RFX7: variants seen among roughly 807,000 people sequenced by gnomAD.
RFX7 encodes regulatory factor X7.
A neutral mutation model predicts 111.8 loss-of-function variants in RFX7; 26 were observed. The observed-to-expected ratio is 0.23, with a 90% CI of 0.17 to 0.32. The LOEUF (loss-of-function observed/expected upper bound fraction) is 0.32, where lower values mean the gene tolerates loss of function less well. Among genes scored for constraint, RFX7 ranks in the 10% least tolerant of loss-of-function variants. The pLI is 1.00. For missense variants in RFX7, 1,573 were observed against 1,772.9 expected (o/e 0.89, Z 2.02); for synonymous variants, 624 against 624.4 (o/e 1.00, Z 0.01).
rs185251485 is a variant in RFX7 at position 56,131,081 on chromosome 15, C to T, written c.401+11697G>A. Among the ~76,000 whole-genome samples the T allele has an allele frequency of 8.5e-4, 128 of 151,452 alleles. 2 individuals carry two copies. Among genetic ancestry groups the T allele is most frequent in the Admixed American group, 1.6e-3 (25 of 15,188 alleles). On this transcript the variant is annotated intron_variant, in intron 5 of 9. Coordinates refer to ENST00000559447, the MANE Select transcript of RFX7 (RefSeq NM_022841.7). ...ATTCATTTTGCAAAGCTGGCCTAACCCTGATATCAAAACCTGACAAAGATA... is the reference window on the plus strand; with the variant it reads ...ATTCATTTTGCAAAGCTGGCCTAACTCTGATATCAAAACCTGACAAAGATA...
chr15:56,110,496 T>C (rs2041910989), intron 5 of RFX7, among the ~76,000 whole-genome samples: 1 of 99,154 alleles, frequency 1.0e-5, no homozygotes. Context: ...TACTGGGAAG[T>C]GAGGAGCCCC....
chr15:56,220,508 A>T (rs2043414809), intron 2 of RFX7, among the ~76,000 whole-genome samples: 1 of 151,106 alleles, frequency 6.6e-6, no homozygotes, highest in Non-Finnish European at 1.5e-5. Context: ...TTGGGATTAC[A>T]GCGGGAGCCA....
chr15:56,203,279 A>G (rs1353577407), intron 2 of RFX7, among the ~76,000 whole-genome samples: 1 of 152,212 alleles, frequency 6.6e-6, no homozygotes, highest in African/African-American at 2.4e-5. Context: ...CTAGAAGTAC[A>G]CTTTGCGAAG....
chr15:56,123,389 C>G (rs2042102208), intron 5 of RFX7, among the ~76,000 whole-genome samples: 1 of 152,156 alleles, frequency 6.6e-6, no homozygotes, highest in African/African-American at 2.4e-5. Context: ...ATGGAGGTCT[C>G]AAGACTCTGC....
rs754308104 is a variant in RFX7 at position 56,094,789 on chromosome 15, G to A, written c.2939C>T (p.Pro980Leu). Residue 980 changes from proline to leucine, a missense_variant, in exon 10 of 10, where the codon CCT becomes CTT. This residue lies in a region of RFX7 where 625 missense variants were observed against 632.2 expected (regional missense o/e 0.99). Coordinates refer to ENST00000559447, the MANE Select transcript of RFX7 (RefSeq NM_022841.7). ...AGSQSLSRES[P>L]CSRLAQTTPV... ...TGTAGTCTGGGCTAGCCTGGAGCAA[G>A]GGCTCTCCCGTGACAGACTCTGAGA... 4 of 1,604,720 alleles carry A rather than the reference G, an allele frequency of 2.5e-6. No individual in the cohort carries two copies. The highest frequency in any genetic ancestry group is 3.4e-5 in the Admixed American group (2 of 58,584).
chr15:56,110,187 G>C (rs558093392), intron 5 of RFX7, among the ~76,000 whole-genome samples: 1 of 131,694 alleles, frequency 7.6e-6, no homozygotes, highest in East Asian at 2.4e-4. Flanking sequence ...CAGGAGGTGA[G>C]GGGAGCCTCT....
intron 2 of RFX7, among the ~76,000 whole-genome samples, chr15:56,217,781 A>G (rs1443417790): frequency 6.6e-6 from 1 of 152,212 alleles, no homozygotes; most frequent in Non-Finnish European, 1.5e-5. Context: ...ATTTGGTAGC[A>G]ACATATTCAG....
At chr15:56,231,546 C>A (rs956864825) in intron 2 of RFX7, among the ~76,000 whole-genome samples, 7 of 152,134 alleles carry the variant, frequency 4.6e-5, no homozygotes, top group African/African-American at 1.7e-4. Flanking sequence ...CCCACCAAGT[C>A]CCTCCCACAA....
chr15:56,158,881 A>G (rs2042686018), intron 3 of RFX7, among the ~76,000 whole-genome samples: 1 of 152,200 alleles, frequency 6.6e-6, no homozygotes, highest in Admixed American at 6.5e-5. Context: ...TCTGAAATAT[A>G]CAACACATTA....
intron 3 of RFX7, among the ~76,000 whole-genome samples, chr15:56,173,549 G>A (rs995438104): frequency 2.0e-5 from 3 of 152,212 alleles, no homozygotes; most frequent in Admixed American, 6.5e-5. Context: ...GGGAAGCCAC[G>A]GCAAGTGGAT....
chr15:56,211,200 A>G (rs1248930360), intron 2 of RFX7, among the ~76,000 whole-genome samples: 3 of 152,132 alleles, frequency 2.0e-5, no homozygotes, highest in Admixed American at 2.0e-4. Context: ...CCAAACATTT[A>G]AAAAAGAAAG....
intron 3 of RFX7, among the ~76,000 whole-genome samples, chr15:56,153,297 T>C (rs1482216228): frequency 6.6e-6 from 1 of 152,220 alleles, no homozygotes; most frequent in African/African-American, 2.4e-5. Flanking sequence ...TGAACATCGA[T>C]GTGAAAACCC....
intron 2 of RFX7, among the ~76,000 whole-genome samples, chr15:56,197,805 T>G (rs1338071624): frequency 6.6e-6 from 1 of 151,958 alleles, no homozygotes; most frequent in Non-Finnish European, 1.5e-5. Flanking sequence ...ATTCAAGGGG[T>G]GGACTGCAGG....
chr15:56,126,109 G>C (rs1430870736), intron 5 of RFX7, among the ~76,000 whole-genome samples: 3 of 152,116 alleles, frequency 2.0e-5, no homozygotes, highest in Non-Finnish European at 4.4e-5. Flanking sequence ...TTTGAATAAA[G>C]CATGGCAACT....
intron 2 of RFX7, among the ~76,000 whole-genome samples, chr15:56,218,229 A>G (rs112197966): frequency 0.041 from 5,186 of 125,978 alleles, 342 homozygotes; most frequent in African/African-American, 0.15. Flanking sequence ...TTCTCGGCTC[A>G]CTGCAACCTC....
At position 56,124,423 on chromosome 15, in the gene RFX7, GA is replaced by G. The variant is rs1555419205; in HGVS notation, c.401+18354del. ...GGTGACAGAGCAAGACTCAGTCTCCGAAAAAAAAAAAAAAATCCATACTGTT... is the reference window on the plus strand; with the variant it reads ...GGTGACAGAGCAAGACTCAGTCTCCGAAAAAAAAAAAAAATCCATACTGTT... On this transcript the variant is annotated intron_variant, in intron 5 of 9. Coordinates refer to ENST00000559447, the MANE Select transcript of RFX7 (RefSeq NM_022841.7). 5.8e-3 allele frequency among the ~76,000 whole-genome samples: 607 copies of G among 104,210 alleles called. 1 individual carries two copies. Among genetic ancestry groups the G allele is most frequent in the Middle Eastern group, 0.017 (3 of 180 alleles). 68.4% of individuals were successfully genotyped at this position (104,210 alleles called of 152,430 possible).
At chr15:56,102,912 T>A (rs2041776230) in intron 6 of RFX7, among the ~76,000 whole-genome samples, 1 of 152,192 alleles carries the variant, frequency 6.6e-6, no homozygotes, top group South Asian at 2.1e-4. Context: ...TCTAATATGA[T>A]ACAGAGACCC....
chr15:56,113,299 C>T (rs1354753283), intron 5 of RFX7, among the ~76,000 whole-genome samples: 1 of 152,148 alleles, frequency 6.6e-6, no homozygotes, highest in East Asian at 1.9e-4. Context: ...TACATATACA[C>T]CATGGAATAC....
chr15:56,125,353 T>C (rs2042129201), intron 5 of RFX7, among the ~76,000 whole-genome samples: 1 of 152,188 alleles, frequency 6.6e-6, no homozygotes, highest in Non-Finnish European at 1.5e-5. Context: ...TGCTTCCATA[T>C]AAATTTTAAG....
Sources: gnomAD v4.1 joint callset for allele counts (sites outside exome capture counted in the v4.1 genomes callset) on GRCh38, gnomAD v4.1.1 for gene constraint, gnomAD v4.1.1 regional missense constraint, MANE v1.5 for transcripts, NCBI Gene and HGNC (gene_info 2026-07-23, HGNC 2026-07-21) for gene names.